MARCHF1: variants seen among roughly 807,000 people sequenced by gnomAD.
MARCHF1 encodes the protein membrane associated ring-CH-type finger 1, also known as E3 ubiquitin-protein ligase MARCHF1.
In MARCHF1, 40 loss-of-function variants were observed where a neutral mutation model predicts 54.2. The observed-to-expected ratio is 0.74, with a 90% CI of 0.57 to 0.96. MARCHF1 has a LOEUF of 0.96. Ranked by LOEUF, MARCHF1 falls within the 40% of genes least tolerant of loss-of-function variation. The pLI, the probability that MARCHF1 is intolerant of heterozygous loss-of-function variation, is 0.00. For missense variants in MARCHF1, 586 were observed against 656.5 expected (o/e 0.89, Z 1.17); for synonymous variants, 236 against 236.3 (o/e 1.00, Z 0.01).
intron 5 of MARCHF1, among the ~76,000 whole-genome samples, chr4:163,666,562 T>C (rs971001726): frequency 6.6e-6 from 1 of 152,164 alleles, no homozygotes; most frequent in Non-Finnish European, 1.5e-5. Flanking sequence ...CCATTTTAAA[T>C]AGCAATAGCT....
In MARCHF1 at chr4:163,905,242, C is replaced by T. The variant is rs1425067695; in HGVS notation, c.-38-51073G>A. Among the ~76,000 whole-genome samples, 6 of 152,030 alleles carry T rather than the reference C, an allele frequency of 3.9e-5. 1 individual carries two copies. Among genetic ancestry groups the T allele is most frequent in the Admixed American group, 6.6e-5 (1 of 15,244 alleles). On this transcript the variant is annotated intron_variant, in intron 3 of 9. Transcript: ENST00000514618. The stretch of plus-strand genomic sequence containing the variant: ...AAAGTGAAGAAAATTATAAAACAAT[C>T]CTAAATGTCAAGCCTACTATAATTT...
intron 4 of MARCHF1, among the ~76,000 whole-genome samples, chr4:163,750,247 C>T (rs1746481123): frequency 6.6e-6 from 1 of 152,066 alleles, no homozygotes; most frequent in Non-Finnish European, 1.5e-5. Flanking sequence ...CGTGGTGGCT[C>T]ATGCCTGTAA....
chr4:163,912,307 G>C (rs1239233369), intron 3 of MARCHF1, among the ~76,000 whole-genome samples: 4 of 152,134 alleles, frequency 2.6e-5, no homozygotes, highest in Non-Finnish European at 5.9e-5. Context: ...GAAGAGAATA[G>C]ATACTGGCAG....
At chr4:164,107,743 G>T (rs1162572995) in intron 2 of MARCHF1, among the ~76,000 whole-genome samples, 1 of 151,904 alleles carries the variant, frequency 6.6e-6, no homozygotes, top group African/African-American at 2.4e-5. Context: ...AGATAATCTA[G>T]AAGTGCAGTA....
intron 5 of MARCHF1, among the ~76,000 whole-genome samples, chr4:163,682,838 G>A (rs1343390230): frequency 6.6e-6 from 1 of 152,100 alleles, no homozygotes; most frequent in African/African-American, 2.4e-5. Context: ...GGCCTCCCAA[G>A]CCATGCTAAA....
chr4:164,237,938 ATT>A (rs1171479259), intron 1 of MARCHF1, among the ~76,000 whole-genome samples: 3 of 152,044 alleles, frequency 2.0e-5, no homozygotes, highest in African/African-American at 7.2e-5. Context: ...CATGTGACAT[ATT>A]TTGATGAATA....
chr4:163,620,300 A>G (rs1165418031), intron 5 of MARCHF1, among the ~76,000 whole-genome samples: 13 of 151,948 alleles, frequency 8.6e-5, no homozygotes, highest in Non-Finnish European at 1.8e-4. Context: ...GCGTTGCTAT[A>G]TATTGTTGAA....
At chr4:163,964,088 C>T (rs1011729022) in intron 3 of MARCHF1, among the ~76,000 whole-genome samples, 2 of 151,940 alleles carry the variant, frequency 1.3e-5, no homozygotes, top group Non-Finnish European at 2.9e-5. Context: ...GGGTAATAAC[C>T]TATTTCCTAA....
chr4:164,259,567 AAAAAAG>A (rs1733402092), intron 1 of MARCHF1, among the ~76,000 whole-genome samples: 1 of 133,858 alleles, frequency 7.5e-6, no homozygotes, highest in East Asian at 2.0e-4. Context: ...AAAAAAAAAG[AAAAAAG>A]AAAAAGAAAA....
chr4:163,754,700 T>C (rs940829153), intron 4 of MARCHF1, among the ~76,000 whole-genome samples: 2 of 150,964 alleles, frequency 1.3e-5, no homozygotes, highest in African/African-American at 2.4e-5. Context: ...TAAAATTTTA[T>C]TGATTTGATT....
intron 3 of MARCHF1, among the ~76,000 whole-genome samples, chr4:163,953,611 A>C (rs1274117178): frequency 6.6e-6 from 1 of 152,156 alleles, no homozygotes; most frequent in Non-Finnish European, 1.5e-5. Flanking sequence ...ATAGTAATCC[A>C]CTGTTAACAT....
chr4:163,909,659 A>G (rs1751147332), intron 3 of MARCHF1, among the ~76,000 whole-genome samples: 1 of 152,178 alleles, frequency 6.6e-6, no homozygotes, highest in Non-Finnish European at 1.5e-5. Flanking sequence ...TATCTTCCAT[A>G]ATCTAATACA....
At chr4:163,685,608 C>G (rs565589146) in intron 5 of MARCHF1, among the ~76,000 whole-genome samples, 86 of 152,218 alleles carry the variant, frequency 5.6e-4, no homozygotes, top group African/African-American at 1.6e-3. Context: ...GCATGCGCCA[C>G]CACCCCAGGC....
In MARCHF1 at chr4:164,143,620, G is replaced by C. The variant is rs543355479; in HGVS notation, c.-322-31958C>G. On this transcript the variant is annotated intron_variant, in intron 1 of 9. Coordinates refer to ENST00000514618, the MANE Select transcript of MARCHF1 (RefSeq NM_001394959.1). ...TAAAATCCTTTACAGACAAGCAAATGCTGAGAGATTCTGTCACCACCAGGC... is the reference window on the plus strand; with the variant it reads ...TAAAATCCTTTACAGACAAGCAAATCCTGAGAGATTCTGTCACCACCAGGC... Among the ~76,000 whole-genome samples, 1,310 of 152,196 alleles carry C rather than the reference G, an allele frequency of 8.6e-3. 19 individuals carry two copies. The highest frequency in any genetic ancestry group is 0.014 in the Non-Finnish European group (972 of 68,012).
chr4:163,616,046 T>C (rs1741497991), intron 5 of MARCHF1, among the ~76,000 whole-genome samples: 1 of 152,150 alleles, frequency 6.6e-6, no homozygotes, highest in Admixed American at 6.6e-5. Flanking sequence ...CTTCTATCTT[T>C]CACTATATAT....
At chr4:163,883,743 A>G (rs1484756028) in intron 3 of MARCHF1, among the ~76,000 whole-genome samples, 1 of 152,150 alleles carries the variant, frequency 6.6e-6, no homozygotes, top group Non-Finnish European at 1.5e-5. Flanking sequence ...CTGATACTCA[A>G]ATGTAACTGG....
intron 5 of MARCHF1, among the ~76,000 whole-genome samples, chr4:163,632,524 C>A (rs906615215): frequency 6.6e-6 from 1 of 152,320 alleles, no homozygotes; most frequent in East Asian, 1.9e-4. Context: ...CACCCGAATA[C>A]TGCGCTTTTC....
At chr4:163,810,284 T>C (rs1748347503) in intron 4 of MARCHF1, among the ~76,000 whole-genome samples, 1 of 152,222 alleles carries the variant, frequency 6.6e-6, no homozygotes, top group African/African-American at 2.4e-5. Context: ...AGAATGATAA[T>C]GGTGTTTTCC....
chr4:164,379,888 C>T (rs1731318624), intron 1 of MARCHF1, among the ~76,000 whole-genome samples: 1 of 151,498 alleles, frequency 6.6e-6, no homozygotes, highest in Non-Finnish European at 1.5e-5. Flanking sequence ...GCAGAGGTTT[C>T]AGTAAGCAGT....
Sources: gnomAD v4.1 joint callset for allele counts (sites outside exome capture counted in the v4.1 genomes callset) on GRCh38, gnomAD v4.1.1 for gene constraint, MANE v1.5 for transcripts, NCBI Gene and HGNC (gene_info 2026-07-23, HGNC 2026-07-21) for gene names.